Variants in GALNT1 observed in about 807,000 individuals in gnomAD.
GALNT1 encodes GalNAc transferase 1.
GALNT1 carries 17 observed loss-of-function variants against 65.7 expected under a neutral mutation model. The observed-to-expected ratio is 0.26, with a 90% CI of 0.18 to 0.39. The LOEUF (loss-of-function observed/expected upper bound fraction) is 0.39, where lower values mean the gene tolerates loss of function less well. Among genes scored for constraint, GALNT1 ranks in the 10% least tolerant of loss-of-function variants. The pLI is 1.00. For synonymous variants in GALNT1, 210 were observed against 219.7 expected, an observed-to-expected ratio of 0.96 and a Z score of 0.39; for missense variants, 460 against 672.8, an observed-to-expected ratio of 0.68 and a Z score of 3.50.
chr18:35,675,358 T>A (rs1004003049), intron 3 of GALNT1, among the ~76,000 whole-genome samples: 2 of 152,220 alleles, frequency 1.3e-5, no homozygotes, highest in African/African-American at 4.8e-5. Flanking sequence ...AATTTATGAA[T>A]TTGTTATGGT....
At chr18:35,588,315 T>C (rs2046400909) in intron 1 of GALNT1, among the ~76,000 whole-genome samples, 1 of 152,222 alleles carries the variant, frequency 6.6e-6, no homozygotes, top group Non-Finnish European at 1.5e-5. Context: ...TCTAATAATT[T>C]TTCCTCTGTA....
At chr18:35,587,354 G>T (rs1568010953) in intron 1 of GALNT1, among the ~76,000 whole-genome samples, 1 of 151,970 alleles carries the variant, frequency 6.6e-6, no homozygotes, top group Non-Finnish European at 1.5e-5. Flanking sequence ...GCCTTTTCTT[G>T]CCATGTTGCA....
chr18:35,667,075 C>T (rs1376800622), intron 3 of GALNT1, among the ~76,000 whole-genome samples: 2 of 152,142 alleles, frequency 1.3e-5, no homozygotes, highest in Non-Finnish European at 2.9e-5. Context: ...TTTTGTCTTA[C>T]GAATTCTTAT....
intron 8 of GALNT1, 69 bp from the exon 9 acceptor site, chr18:35,692,112 A>C (rs1436105983): frequency 7.3e-7 from 1 of 1,364,218 alleles, no homozygotes; most frequent in Non-Finnish European, 1.0e-6. Context: ...GGCTTATTAG[A>C]TTCAATATAT....
intron 1 of GALNT1, among the ~76,000 whole-genome samples, chr18:35,638,364 C>T (rs1218312933): frequency 6.6e-6 from 1 of 152,100 alleles, no homozygotes; most frequent in Non-Finnish European, 1.5e-5. Context: ...GTGGCCCTGA[C>T]AAGCTGGTGC....
intron 1 of GALNT1, among the ~76,000 whole-genome samples, chr18:35,636,206 C>T (rs1285633806): frequency 1.3e-5 from 2 of 152,126 alleles, no homozygotes; most frequent in Admixed American, 6.5e-5. Context: ...ACTTTACAGA[C>T]CCTTTAGTAG....
intron 9 of GALNT1, among the ~76,000 whole-genome samples, chr18:35,701,112 CTTAAG>C (rs1167355264): frequency 6.6e-6 from 1 of 151,600 alleles, no homozygotes; most frequent in Non-Finnish European, 1.5e-5. Flanking sequence ...TGCTCTGTCA[CTTAAG>C]TTGAAGTGCA....
chr18:35,707,515 C>T (rs1405226965), intron 11 of GALNT1, among the ~76,000 whole-genome samples: 3 of 152,194 alleles, frequency 2.0e-5, no homozygotes, highest in Non-Finnish European at 4.4e-5. Context: ...GGGTTCTCCA[C>T]CAGAGTCTAG....
At chr18:35,619,526 T>C (rs536277010) in intron 1 of GALNT1, among the ~76,000 whole-genome samples, 127 of 152,220 alleles carry the variant, frequency 8.3e-4, no homozygotes, top group African/African-American at 3.0e-3. Flanking sequence ...CTCTGGGGAA[T>C]GCATGGAAAA....
chr18:35,692,684 T>TTG (rs1272244000), intron 9 of GALNT1, among the ~76,000 whole-genome samples: 1 of 152,154 alleles, frequency 6.6e-6, no homozygotes, highest in Non-Finnish European at 1.5e-5. Context: ...TTTGCAGGTC[T>TTG]TTGTGAACTT....
At chr18:35,703,070 C>A in intron 10 of GALNT1, 75 bp downstream of exon 10, 2 of 773,620 alleles carry the variant, frequency 2.6e-6, no homozygotes, top group South Asian at 2.3e-5. Context: ...TATACCATGA[C>A]ATCATTCAGG....
At chr18:35,584,678 C>T (rs926657375) in intron 1 of GALNT1, among the ~76,000 whole-genome samples, 5 of 152,180 alleles carry the variant, frequency 3.3e-5, no homozygotes, top group Admixed American at 6.5e-5. Context: ...GGAATGGTTT[C>T]GGGATGAAAC....
intron 1 of GALNT1, among the ~76,000 whole-genome samples, chr18:35,618,035 CTTT>C (rs35456192): frequency 2.9e-5 from 4 of 138,716 alleles, no homozygotes; most frequent in African/African-American, 5.3e-5. Context: ...CTTTGCTGTT[CTTT>C]TTTTTTTTTT....
intron 1 of GALNT1, among the ~76,000 whole-genome samples, chr18:35,645,292 G>A (rs994449956): frequency 2.1e-4 from 28 of 132,220 alleles, no homozygotes; most frequent in African/African-American, 7.9e-4. Context: ...GTGCAGTGGC[G>A]CAATCTCAGC....
chr18:35,587,465 T>C (rs551925464), intron 1 of GALNT1, among the ~76,000 whole-genome samples: 5 of 152,346 alleles, frequency 3.3e-5, no homozygotes, highest in African/African-American at 1.2e-4. Context: ...CTATGAGGTA[T>C]AATGTTAACT....
At chr18:35,672,205 G>A (rs1038537298) in intron 3 of GALNT1, among the ~76,000 whole-genome samples, 1 of 152,222 alleles carries the variant, frequency 6.6e-6, no homozygotes, top group Admixed American at 6.5e-5. Flanking sequence ...TGGAATCTAG[G>A]ATACAGAGAA....
chr18:35,632,740 A>C (rs1209108817), intron 1 of GALNT1, among the ~76,000 whole-genome samples: 1 of 152,212 alleles, frequency 6.6e-6, no homozygotes, highest in Non-Finnish European at 1.5e-5. Context: ...CAGCAAAAGA[A>C]ACTACCATCA....
At position 35,654,783 on chromosome 18, in the gene GALNT1, G is replaced by T; in HGVS notation, c.121G>T (p.Gly41Ter). 1 of 1,553,766 alleles carries T rather than the reference G, an allele frequency of 6.4e-7. No individual in the cohort carries two copies. Among genetic ancestry groups the T allele is most frequent in the Non-Finnish European group, 8.7e-7 (1 of 1,146,546 alleles). The change falls in exon 2 of 12, where the codon GGA becomes TGA. Residue 41 changes from glycine to a stop codon, truncating the protein, a stop_gained. Coordinates refer to ENST00000269195, the MANE Select transcript of GALNT1 (RefSeq NM_020474.4). LOFTEE classifies it high-confidence loss of function. Reference sequence around the variant, plus strand: ...CAAATGTGATGAAAAAAAGGAGAGAGGACTTCCTGCTGGAGATGGTGAGTG... The same window carrying T: ...CAAATGTGATGAAAAAAAGGAGAGATGACTTCCTGCTGGAGATGGTGAGTG... ...CNKCDEKKERGLPAGDVLEPV... is the reference protein window; with the variant it reads ...CNKCDEKKER
chr18:35,588,950 G>C (rs1359479208), intron 1 of GALNT1, among the ~76,000 whole-genome samples: 1 of 151,820 alleles, frequency 6.6e-6, no homozygotes, highest in Non-Finnish European at 1.5e-5. Flanking sequence ...CCTGGCTCTT[G>C]GTATGATGAG....
Sources: gnomAD v4.1 joint callset for allele counts (sites outside exome capture counted in the v4.1 genomes callset) on GRCh38, gnomAD v4.1.1 for gene constraint, MANE v1.5 for transcripts, NCBI Gene and HGNC (gene_info 2026-07-23, HGNC 2026-07-21) for gene names.